PGAP4: variants seen among roughly 807,000 people sequenced by gnomAD.
PGAP4 encodes the protein post-GPI attachment to proteins GalNAc transferase 4.
Under a neutral mutation model 28.2 loss-of-function variants are expected in PGAP4, and 12 were observed. That is an observed-to-expected ratio of 0.42 (90% confidence interval 0.27 to 0.69). The LOEUF (loss-of-function observed/expected upper bound fraction) is 0.69, where lower values mean the gene tolerates loss of function less well. PGAP4 is among the 30% of genes least tolerant of loss of function. The pLI, the probability that PGAP4 is intolerant of heterozygous loss-of-function variation, is 0.22. For missense variants in PGAP4, 425 were observed against 513.5 expected (o/e 0.83, Z 1.67); for synonymous variants, 205 against 211.8 (o/e 0.97, Z 0.28).
intron 2 of PGAP4, among the ~76,000 whole-genome samples, chr9:101,497,867 A>T (rs1195132524): frequency 6.6e-6 from 1 of 151,854 alleles, no homozygotes; most frequent in East Asian, 1.9e-4. Context: ...CAATACATGT[A>T]CATATGTATA....
chr9:101,526,970 C>T (rs1237954657), intron 2 of PGAP4, among the ~76,000 whole-genome samples: 2 of 152,344 alleles, frequency 1.3e-5, no homozygotes, highest in East Asian at 3.9e-4. Context: ...TCCAAATTAA[C>T]TCATGTGTCT....
chr9:101,504,296 C>T (rs1337721538), intron 2 of PGAP4, among the ~76,000 whole-genome samples: 2 of 125,950 alleles, frequency 1.6e-5, no homozygotes, highest in Non-Finnish European at 3.2e-5. Context: ...ATCTACCTTA[C>T]AAAAAAACCA....
At chr9:101,531,852 T>C (rs1827092976) in intron 1 of PGAP4, among the ~76,000 whole-genome samples, 1 of 152,240 alleles carries the variant, frequency 6.6e-6, no homozygotes, top group Admixed American at 6.5e-5. Flanking sequence ...TTTATCACAA[T>C]GTAACACACA....
intron 2 of PGAP4, chr9:101,531,231 CA>C (rs1564103976): frequency 1.8e-4 from 28 of 152,826 alleles, no homozygotes; most frequent in African/African-American, 6.8e-4. Context: ...CACACACACA[CA>C]CACACACAGA....
intron 2 of PGAP4, among the ~76,000 whole-genome samples, chr9:101,516,417 A>G (rs1826944222): frequency 6.6e-6 from 1 of 152,202 alleles, no homozygotes; most frequent in Admixed American, 6.6e-5. Flanking sequence ...TGGTGAAATC[A>G]GACTTTATCT....
intron 2 of PGAP4, among the ~76,000 whole-genome samples, chr9:101,527,693 G>C (rs979240607): frequency 1.3e-5 from 2 of 151,976 alleles, no homozygotes; most frequent in African/African-American, 4.8e-5. Flanking sequence ...ATATAAACTT[G>C]GTATGCATGC....
At position 101,475,667 on chromosome 9, in the gene PGAP4, G is replaced by A. The variant is rs114176844; in HGVS notation, c.*214C>T. On this transcript the variant is annotated 3_prime_UTR_variant, in exon 2 of 2. Coordinates refer to ENST00000374848, the MANE Select transcript of PGAP4 (RefSeq NM_032342.3). ...GCATGAGGCAGTGTGGCTGTGTGGAGGGAGAGGTCCGGACCTGTGGCAAAC... is the reference window on the plus strand; with the variant it reads ...GCATGAGGCAGTGTGGCTGTGTGGAAGGAGAGGTCCGGACCTGTGGCAAAC... 5.6e-3 allele frequency: 3,280 copies of A among 586,990 alleles called. 72 individuals carry two copies. The highest frequency in any genetic ancestry group is 0.052 in the African/African-American group (2,788 of 53,788). 36.4% of individuals were successfully genotyped at this position (586,990 alleles called of 1,614,324 possible).
chr9:101,496,924 G>GT (rs1394153814), intron 2 of PGAP4, among the ~76,000 whole-genome samples: 2 of 150,332 alleles, frequency 1.3e-5, no homozygotes, highest in South Asian at 4.2e-4. Context: ...AATAAAGAAT[G>GT]TTTTTTCATA....
intron 2 of PGAP4, among the ~76,000 whole-genome samples, chr9:101,523,394 G>A (rs925938398): frequency 1.3e-5 from 2 of 151,732 alleles, no homozygotes; most frequent in African/African-American, 4.8e-5. Flanking sequence ...TGGAGGCTTT[G>A]TTCATATTTT....
At chr9:101,518,770 T>C (rs1312671999) in intron 2 of PGAP4, among the ~76,000 whole-genome samples, 5 of 152,248 alleles carry the variant, frequency 3.3e-5, no homozygotes, top group African/African-American at 1.2e-4. Flanking sequence ...TGTGCTGCTA[T>C]AAACATGCGT....
chr9:101,532,991 C>CATTA (rs1273752016), exon 1 of PGAP4: 1 of 152,122 alleles, frequency 6.6e-6, no homozygotes, highest in East Asian at 1.9e-4. Flanking sequence ...TATCATAGTT[C>CATTA]TGCGAGACAT....
At chr9:101,489,359 A>G (rs751906790), upstream of PGAP4, among the ~76,000 whole-genome samples, 1 of 152,190 alleles carries the variant, frequency 6.6e-6, no homozygotes, top group African/African-American at 2.4e-5. Context: ...ATAACACACT[A>G]CAACAGGATA....
intron 2 of PGAP4, among the ~76,000 whole-genome samples, chr9:101,494,104 G>C (rs1826715393): frequency 6.6e-6 from 1 of 152,096 alleles, no homozygotes; most frequent in South Asian, 2.1e-4. Flanking sequence ...ATAGTCTTAA[G>C]TTCTTGAGCC....
Position 101,477,167 on chromosome 9 carries a change from A to G in PGAP4, c.-75T>C. The G allele has an allele frequency of 1.4e-6, 2 of 1,478,550 alleles. No individual in the cohort carries two copies. Among genetic ancestry groups the G allele is most frequent in the Non-Finnish European group, 1.8e-6 (2 of 1,116,770 alleles). The allele number at this position is 1,478,550 out of a possible 1,614,324, so 91.6% of individuals were successfully genotyped here. The stretch of plus-strand genomic sequence containing the variant: ...CTCAGGCCAGAGTCATCAGAAATCA[A>G]ACCTAAAGAGAGAGGAAGTAGGGAA... On this transcript the variant is annotated splice_region_variant and 5_prime_UTR_variant, in exon 2 of 2. Transcript: ENST00000374848.
rs1245170432 is a variant in PGAP4, at chr9:101,523,619, C to CATTTTTTTTTTTTTTTTTTT, written c.-165+7728_-165+7729insAAAAAAAAAAAAAAAAAAAT. Among the ~76,000 whole-genome samples the CATTTTTTTTTTTTTTTTTTT allele has an allele frequency of 3.0e-3, 179 of 59,334 alleles. 17 individuals carry two copies. The highest frequency in any genetic ancestry group is 3.2e-3 in the Non-Finnish European group (105 of 32,450). 38.9% of individuals were successfully genotyped at this position (59,334 alleles called of 152,430 possible). On this transcript the variant is annotated intron_variant, in intron 2 of 3. Transcript: ENST00000374851. The stretch of plus-strand genomic sequence containing the variant: ...ACATTTCTCCCCTCACTTCTTGTAT[C>CATTTTTTTTTTTTTTTTTTT]TTTTTTTTTTTTTTTTTTTTTTTTT...
In PGAP4 at chr9:101,474,834, A is replaced by C. The variant is rs2118475679; in HGVS notation, c.*1047T>G. On this transcript the variant is annotated 3_prime_UTR_variant, in exon 2 of 2. Transcript: ENST00000374848. ...CATATATTCTGCCATTTAATCCTCA[A>C]GGCAACTTTAACATGTAAGTATTAC... 1 of 152,288 alleles carries C rather than the reference A, an allele frequency of 6.6e-6. No individual in the cohort carries two copies. The highest frequency in any genetic ancestry group is 1.9e-4 in the East Asian group (1 of 5,184). The allele number at this position is 152,288 out of a possible 1,614,324, so 9.4% of individuals were successfully genotyped here.
intron 2 of PGAP4, among the ~76,000 whole-genome samples, chr9:101,499,877 T>C (rs1025488416): frequency 6.6e-5 from 10 of 152,094 alleles, no homozygotes; most frequent in Admixed American, 5.9e-4. Flanking sequence ...CCTTTATCTC[T>C]AACTACCTCC....
At chr9:101,478,861 C>T (rs1826401662) in intron 1 of PGAP4, among the ~76,000 whole-genome samples, 1 of 152,224 alleles carries the variant, frequency 6.6e-6, no homozygotes, top group Non-Finnish European at 1.5e-5. Context: ...ATACATAAAC[C>T]ACTGTGTCTA....
At chr9:101,513,275 G>C (rs544637949) in intron 2 of PGAP4, among the ~76,000 whole-genome samples, 1 of 152,232 alleles carries the variant, frequency 6.6e-6, no homozygotes, top group African/African-American at 2.4e-5. Flanking sequence ...TGGAAATGGT[G>C]TTATGGTCCT....
Sources: allele counts gnomAD v4.1 joint callset (sites outside exome capture counted in the v4.1 genomes callset), GRCh38; gene constraint gnomAD v4.1.1; transcripts MANE v1.5; gene names NCBI Gene and HGNC (gene_info 2026-07-23, HGNC 2026-07-21).